Variants in FCHO2 observed in about 807,000 individuals in gnomAD.
FCHO2 encodes the protein F-BAR domain only protein 2.
FCHO2 carries 43 observed loss-of-function variants against 114.1 expected under a neutral mutation model. The ratio of observed to expected loss-of-function variants is 0.38; its 90% CI spans 0.30 to 0.49. FCHO2 has a LOEUF of 0.49. Ranked by LOEUF, FCHO2 falls within the 20% of genes least tolerant of loss-of-function variation. The pLI, the probability that FCHO2 is intolerant of heterozygous loss-of-function variation, is 0.97. For missense variants in FCHO2, 807 were observed against 950.4 expected (o/e 0.85, Z 1.98); for synonymous variants, 293 against 315.2 (o/e 0.93, Z 0.75).
At chr5:73,050,949 A>T (rs1047219819) in intron 11 of FCHO2, among the ~76,000 whole-genome samples, 2 of 152,222 alleles carry the variant, frequency 1.3e-5, no homozygotes, top group Non-Finnish European at 2.9e-5. Context: ...ATATTTCCAT[A>T]CAGCTTATAG....
intron 8 of FCHO2, among the ~76,000 whole-genome samples, chr5:73,017,723 G>C (rs187662881): frequency 6.6e-6 from 1 of 152,062 alleles, no homozygotes; most frequent in Non-Finnish European, 1.5e-5. Context: ...GACCAACGTA[G>C]AACCTTTCTT....
intron 1 of FCHO2, among the ~76,000 whole-genome samples, chr5:72,967,785 A>G (rs917105298): frequency 1.3e-5 from 2 of 151,794 alleles, no homozygotes. Context: ...ATGCCCGGCT[A>G]ATTTTTGTAT....
In FCHO2 at chr5:73,022,552, G is replaced by A. The variant is rs142086454; in HGVS notation, c.796+5244G>A. On this transcript the variant is annotated intron_variant, in intron 8 of 25. Coordinates refer to ENST00000430046, the MANE Select transcript of FCHO2 (RefSeq NM_138782.3). ...TGCTGCCTTATTCATGGCAGATACC[G>A]TTGCTAGATCATTGCATTCGTCCCC... Among the ~76,000 whole-genome samples, 689 of 152,290 alleles carry A rather than the reference G, an allele frequency of 4.5e-3. 3 individuals carry two copies. The highest frequency in any genetic ancestry group is 6.1e-3 in the Non-Finnish European group (415 of 68,024).
chr5:72,988,265 C>G (rs1222430490), intron 2 of FCHO2, among the ~76,000 whole-genome samples: 1 of 152,116 alleles, frequency 6.6e-6, no homozygotes, highest in African/African-American at 2.4e-5. Context: ...TGGTGAAATC[C>G]TGTCTCTACT....
intron 1 of FCHO2, 61 bp from the exon 2 acceptor site, chr5:72,968,437 T>C: frequency 8.2e-7 from 1 of 1,223,130 alleles, no homozygotes; most frequent in Non-Finnish European, 1.1e-6. Context: ...GTTGGCTTTT[T>C]ATATTCTCAA....
chr5:73,068,664 C>T lies in FCHO2; in HGVS notation c.1464C>T (p.Ser488=). 1 of 1,611,020 alleles carries T rather than the reference C, an allele frequency of 6.2e-7. No homozygotes were observed. Among genetic ancestry groups the T allele is most frequent in the Non-Finnish European group, 8.5e-7 (1 of 1,178,254 alleles). The change falls in exon 19 of 26, where the codon AGC becomes AGT. Residue 488 remains serine, a synonymous_variant. Coordinates refer to ENST00000430046, the MANE Select transcript of FCHO2 (RefSeq NM_138782.3). Reference sequence around the variant, plus strand: ...TTGTTTTTAAGCCCAGGCCATTCAGCCCACCTGTAACTTCCAACACCAGCC... The same window carrying T: ...TTGTTTTTAAGCCCAGGCCATTCAGTCCACCTGTAACTTCCAACACCAGCC... ...SGINEIPRPF[S]PPVTSNTSPP...
At chr5:73,003,306 C>T (rs1396376440) in intron 5 of FCHO2, among the ~76,000 whole-genome samples, 1 of 152,060 alleles carries the variant, frequency 6.6e-6, no homozygotes, top group Non-Finnish European at 1.5e-5. Context: ...AGCCACTGCA[C>T]CTGGCTTATT....
chr5:73,006,699 G>C (rs745684073), intron 6 of FCHO2, 150 bp downstream of exon 6: 1 of 553,798 alleles, frequency 1.8e-6, no homozygotes, highest in African/African-American at 2.0e-5. Flanking sequence ...TACATGTCGC[G>C]TTTTGGAGAT....
intron 10 of FCHO2, 63 bp from the exon 11 acceptor site, chr5:73,041,228 T>C: frequency 9.1e-7 from 1 of 1,092,994 alleles, no homozygotes; most frequent in South Asian, 1.3e-5. Flanking sequence ...GTAAATACTT[T>C]AAACAAGCAT....
At chr5:73,016,238 C>A (rs1178324027) in intron 7 of FCHO2, among the ~76,000 whole-genome samples, 1 of 151,794 alleles carries the variant, frequency 6.6e-6, no homozygotes, top group African/African-American at 2.4e-5. Context: ...TACTTGAGCC[C>A]AGAAGTTTGA....
At chr5:73,048,958 G>A (rs943423517) in intron 11 of FCHO2, among the ~76,000 whole-genome samples, 1 of 142,168 alleles carries the variant, frequency 7.0e-6, no homozygotes, top group Admixed American at 7.4e-5. Context: ...CTCACTGCAA[G>A]CTCCGCCTCC....
Position 73,034,650 on chromosome 5 carries a change from T to A in FCHO2, c.797-7T>A, listed in dbSNP as rs1318483803. The A allele has an allele frequency of 1.9e-6, 3 of 1,583,092 alleles. No homozygotes were observed. Among genetic ancestry groups the A allele is most frequent in the Non-Finnish European group, 2.6e-6 (3 of 1,170,842 alleles). ...TACTAGAAGTTTTTCAATTTCTTTT[T>A]TTCCAGGCCTCATTGAATTTGAAGA... On this transcript the variant is annotated splice_region_variant and splice_polypyrimidine_tract_variant and intron_variant, in intron 8 of 25. Transcript: ENST00000430046.
chr5:73,053,552 G>A (rs756913797), intron 13 of FCHO2, among the ~76,000 whole-genome samples: 6 of 152,100 alleles, frequency 3.9e-5, no homozygotes, highest in Non-Finnish European at 7.4e-5. Context: ...AAAATTAGCC[G>A]GTCGTGGTGG....
chr5:72,959,630 G>C (rs1751741256), intron 1 of FCHO2, among the ~76,000 whole-genome samples: 1 of 152,172 alleles, frequency 6.6e-6, no homozygotes, highest in Non-Finnish European at 1.5e-5. Flanking sequence ...AAATAAAATT[G>C]TCAAAATTCA....
At chr5:73,065,106 T>C (rs953286125) in intron 18 of FCHO2, among the ~76,000 whole-genome samples, 3 of 151,996 alleles carry the variant, frequency 2.0e-5, no homozygotes, top group Non-Finnish European at 2.9e-5. Flanking sequence ...CACCAAGTAT[T>C]GAAATGGTGA....
intron 8 of FCHO2, chr5:73,021,399 A>G (rs1431091650): frequency 1.7e-5 from 5 of 290,042 alleles, no homozygotes; most frequent in Non-Finnish European, 3.4e-5. Flanking sequence ...ACTTTCTTTT[A>G]CTCCTATTCA....
chr5:72,981,807 T>C (rs1248281752), intron 2 of FCHO2, among the ~76,000 whole-genome samples: 4 of 152,360 alleles, frequency 2.6e-5, no homozygotes, highest in Non-Finnish European at 4.4e-5. Context: ...AGGTCATCTA[T>C]GTTCTTCTCT....
At chr5:73,037,742 A>T in intron 10 of FCHO2, 1 of 400,428 alleles carries the variant, frequency 2.5e-6, no homozygotes, top group South Asian at 1.8e-5. Context: ...TGGTCCACTT[A>T]TAAGTCTGAT....
chr5:73,082,087 G>C, intron 23 of FCHO2, 105 bp downstream of exon 23: 2 of 1,095,932 alleles, frequency 1.8e-6, no homozygotes, highest in Middle Eastern at 2.2e-4. Context: ...AAAAATTTTT[G>C]TGCCTTTTTC....
Sources: gnomAD v4.1 joint callset for allele counts (sites outside exome capture counted in the v4.1 genomes callset) on GRCh38, gnomAD v4.1.1 for gene constraint, MANE v1.5 for transcripts, NCBI Gene and HGNC (gene_info 2026-07-23, HGNC 2026-07-21) for gene names.